Variants in ZCCHC4 observed in about 807,000 individuals in gnomAD.
ZCCHC4 encodes zinc finger CCHC-type containing 4, also known as rRNA N(6)-adenosine-methyltransferase ZCCHC4.
A neutral mutation model predicts 67.7 loss-of-function variants in ZCCHC4; 54 were observed. The observed-to-expected ratio is 0.80, with a 90% CI of 0.64 to 1.00. The LOEUF (loss-of-function observed/expected upper bound fraction) is 1.00. ZCCHC4 is among the 50% of genes least tolerant of loss of function. The pLI is 0.00. For missense variants in ZCCHC4, 609 were observed against 617.0 expected (o/e 0.99, Z 0.14); for synonymous variants, 198 against 213.5 (o/e 0.93, Z 0.63).
chr4:25,339,826 A>C (rs1026620440), intron 5 of ZCCHC4, among the ~76,000 whole-genome samples: 1 of 151,404 alleles, frequency 6.6e-6, no homozygotes, highest in Admixed American at 6.6e-5. Context: ...TTCATCAAAG[A>C]GTTTTATAAT....
In ZCCHC4 at chr4:25,315,320, G is replaced by A. The variant is rs1718196945; in HGVS notation, c.249G>A (p.Leu83=). Residue 83 remains leucine (L), a splice_region_variant and synonymous_variant, in exon 3 of 13, where the codon TTG becomes TTA. Coordinates refer to ENST00000302874, the MANE Select transcript of ZCCHC4 (RefSeq NM_024936.3). ...ATGGGTTTTGTACTCTCTTTCAGTT[G>A]TCAGGAGCTAGACTTGCTGCCCGAG... ...CNFFQWEDEK[L]SGARLAAREA... is the part of the protein sequence containing the mutation. 2 of 1,611,410 alleles carry A rather than the reference G, an allele frequency of 1.2e-6. No individual in the cohort carries two copies. Among genetic ancestry groups the A allele is most frequent in the South Asian group, 1.1e-5 (1 of 90,648 alleles).
chr4:25,345,099 G>C (rs1269318076), intron 5 of ZCCHC4, among the ~76,000 whole-genome samples: 1 of 151,842 alleles, frequency 6.6e-6, no homozygotes, highest in Admixed American at 6.6e-5. Context: ...CACTGTGCCC[G>C]GCCTGTATTA....
chr4:25,328,797 G>C (rs1296211690), intron 3 of ZCCHC4, among the ~76,000 whole-genome samples: 2 of 151,806 alleles, frequency 1.3e-5, no homozygotes, highest in Admixed American at 1.3e-4. Flanking sequence ...TTCCCATGCT[G>C]GTCTCGAACT....
At chr4:25,334,773 G>A (rs561495971) in intron 5 of ZCCHC4, among the ~76,000 whole-genome samples, 1 of 152,106 alleles carries the variant, frequency 6.6e-6, no homozygotes, top group Non-Finnish European at 1.5e-5. Context: ...TCTTGAAGGT[G>A]TTGAAGGAAT....
intron 3 of ZCCHC4, among the ~76,000 whole-genome samples, chr4:25,320,231 TTA>T (rs1376364932): frequency 6.6e-6 from 1 of 152,198 alleles, no homozygotes; most frequent in Non-Finnish European, 1.5e-5. Context: ...AAATGTGTTA[TTA>T]TGTTTGTTAT....
chr4:25,370,174 A>C lies in ZCCHC4; in HGVS notation c.*1010A>C, dbSNP rs748349462. The stretch of plus-strand genomic sequence containing the variant: ...CTATGCAGTAAGATTCTGTCTTTGT[A>C]AAAGTAGTTCGTAGCAGAAGCCAGG... On this transcript the variant is annotated 3_prime_UTR_variant, in exon 13 of 13. Transcript: ENST00000302874. 2 of 152,184 alleles carry C rather than the reference A, an allele frequency of 1.3e-5. No homozygotes were observed. The highest frequency in any genetic ancestry group is 6.5e-5 in the Admixed American group (1 of 15,270). The allele number at this position is 152,184 out of a possible 1,614,324, so 9.4% of individuals were successfully genotyped here.
At chr4:25,338,458 A>G (rs1445152341) in intron 5 of ZCCHC4, among the ~76,000 whole-genome samples, 1 of 152,182 alleles carries the variant, frequency 6.6e-6, no homozygotes, top group Non-Finnish European at 1.5e-5. Context: ...CAGTATATTC[A>G]CATGGTTGCG....
At chr4:25,313,407 A>G (rs1223604247) in intron 1 of ZCCHC4, among the ~76,000 whole-genome samples, 1 of 152,238 alleles carries the variant, frequency 6.6e-6, no homozygotes, top group East Asian at 1.9e-4. Flanking sequence ...AAGAGATGTC[A>G]AAGTCCTCAA....
At chr4:25,347,257 TA>T (rs1180886799) in intron 6 of ZCCHC4, among the ~76,000 whole-genome samples, 1 of 152,212 alleles carries the variant, frequency 6.6e-6, no homozygotes, top group African/African-American at 2.4e-5. Flanking sequence ...GAAGACAAAA[TA>T]AGGATAAAAT....
chr4:25,364,876 G>A, intron 11 of ZCCHC4, 146 bp from the exon 12 acceptor site: 1 of 1,082,948 alleles, frequency 9.2e-7, no homozygotes, highest in Non-Finnish European at 1.3e-6. Context: ...TCTTCTCCCT[G>A]GTCTCTTTAG....
chr4:25,326,927 G>T (rs1429342458), intron 3 of ZCCHC4, among the ~76,000 whole-genome samples: 1 of 152,130 alleles, frequency 6.6e-6, no homozygotes, highest in Non-Finnish European at 1.5e-5. Context: ...GATTTATCAC[G>T]AAGTATTTCA....
At chr4:25,366,945 C>G (rs1720974896) in intron 12 of ZCCHC4, among the ~76,000 whole-genome samples, 1 of 152,010 alleles carries the variant, frequency 6.6e-6, no homozygotes, top group Non-Finnish European at 1.5e-5. Flanking sequence ...ATGTGGATGC[C>G]TGATAATTCT....
At chr4:25,357,307 A>G (rs1577349961) in intron 8 of ZCCHC4, among the ~76,000 whole-genome samples, 1 of 152,234 alleles carries the variant, frequency 6.6e-6, no homozygotes, top group East Asian at 1.9e-4. Flanking sequence ...AGTTTTATCA[A>G]CGTCTCTCCT....
chr4:25,325,907 G>A (rs1044934916), intron 3 of ZCCHC4, among the ~76,000 whole-genome samples: 2 of 152,060 alleles, frequency 1.3e-5, no homozygotes, highest in Non-Finnish European at 2.9e-5. Context: ...CACCTTATCT[G>A]CTGTGGGATT....
intron 3 of ZCCHC4, among the ~76,000 whole-genome samples, chr4:25,320,857 A>G (rs1475860120): frequency 2.0e-5 from 3 of 152,224 alleles, no homozygotes; most frequent in Admixed American, 6.5e-5. Flanking sequence ...ATGTAAGTGG[A>G]GGTTCATTTT....
Position 25,317,517 on chromosome 4 carries a change from G to A in ZCCHC4, c.329+2117G>A, listed in dbSNP as rs1298520952. Among the ~76,000 whole-genome samples the A allele has an allele frequency of 2.0e-5, 3 of 151,904 alleles. No homozygotes were observed. In the East Asian group the frequency reaches 5.8e-4, roughly 29 times the overall value. On this transcript the variant is annotated intron_variant, in intron 3 of 12. Coordinates refer to ENST00000302874, the MANE Select transcript of ZCCHC4 (RefSeq NM_024936.3). ...ACTTGAGGTCAGGAGTTCGAGACCA[G>A]CCTGGCCAACATGGTGAAATCCCAT...
intron 3 of ZCCHC4, among the ~76,000 whole-genome samples, chr4:25,319,120 A>T (rs1318122940): frequency 6.6e-6 from 1 of 152,240 alleles, no homozygotes; most frequent in Admixed American, 6.5e-5. Context: ...GCGGTGGCTC[A>T]CGCCTGTAAT....
At chr4:25,346,871 C>A (rs1720046119) in intron 6 of ZCCHC4, among the ~76,000 whole-genome samples, 1 of 152,150 alleles carries the variant, frequency 6.6e-6, no homozygotes, top group Admixed American at 6.6e-5. Context: ...GGCTTCGCAG[C>A]TGGGACAGTG....
At chr4:25,325,290 G>A (rs1339218918) in intron 3 of ZCCHC4, among the ~76,000 whole-genome samples, 7 of 143,146 alleles carry the variant, frequency 4.9e-5, no homozygotes, top group Admixed American at 1.4e-4. Context: ...TTCTTGGGTC[G>A]TCTTTTCACT....
Sources: gnomAD v4.1 joint callset for allele counts (sites outside exome capture counted in the v4.1 genomes callset) on GRCh38, gnomAD v4.1.1 for gene constraint, MANE v1.5 for transcripts, NCBI Gene and HGNC (gene_info 2026-07-23, HGNC 2026-07-21) for gene names.